ASAP1: variants seen among roughly 807,000 people sequenced by gnomAD.
ASAP1 encodes arf-GAP with SH3 domain, ANK repeat and PH domain-containing protein 1.
ASAP1 carries 43 observed loss-of-function variants against 145.2 expected under a neutral mutation model. The observed-to-expected ratio is 0.30, with a 90% confidence interval of 0.23 to 0.38. The LOEUF is 0.38. ASAP1 is among the 10% of genes least tolerant of loss of function. The pLI, the probability that ASAP1 is intolerant of heterozygous loss-of-function variation, is 1.00. For synonymous variants in ASAP1, 546 were observed against 515.5 expected (o/e 1.06, Z -0.80); for missense variants, 1,018 against 1,355.3 (o/e 0.75, Z 3.91).
At chr8:130,225,413 A>T (rs1251716334) in intron 4 of ASAP1, among the ~76,000 whole-genome samples, 1 of 152,218 alleles carries the variant, frequency 6.6e-6, no homozygotes, top group East Asian at 1.9e-4. Flanking sequence ...AGCACAGGAA[A>T]GGGTTCGTTA....
chr8:130,379,261 CTA>C (rs1827652374), intron 2 of ASAP1, among the ~76,000 whole-genome samples: 1 of 152,168 alleles, frequency 6.6e-6, no homozygotes, highest in African/African-American at 2.4e-5. Flanking sequence ...ATACCTGGCC[CTA>C]GCATCGCTTC....
chr8:130,277,428 G>C (rs1820980397), intron 3 of ASAP1, among the ~76,000 whole-genome samples: 1 of 152,140 alleles, frequency 6.6e-6, no homozygotes, highest in Non-Finnish European at 1.5e-5. Context: ...GAAAGAACCA[G>C]AAAGTTCAGT....
intron 24 of ASAP1, among the ~76,000 whole-genome samples, chr8:130,108,756 A>AGTTTTTTTTT (rs1564967538): frequency 5.0e-5 from 5 of 99,928 alleles, no homozygotes; most frequent in Admixed American, 2.4e-4. Flanking sequence ...CTCAAAAACC[A>AGTTTTTTTTT]GTTTTTTTTT....
chr8:130,067,078 C>A (rs1362590878), intron 27 of ASAP1, among the ~76,000 whole-genome samples: 2 of 152,226 alleles, frequency 1.3e-5, no homozygotes, highest in African/African-American at 4.8e-5. Flanking sequence ...AATTCTGCTG[C>A]TCATTGAAAG....
At chr8:130,151,188 T>C (rs1022727813) in intron 13 of ASAP1, among the ~76,000 whole-genome samples, 1 of 151,186 alleles carries the variant, frequency 6.6e-6, no homozygotes, top group African/African-American at 2.4e-5. Context: ...CTGGTCAATA[T>C]GATGAAACCC....
At chr8:130,261,056 G>A (rs1819866902) in intron 3 of ASAP1, among the ~76,000 whole-genome samples, 2 of 152,092 alleles carry the variant, frequency 1.3e-5, no homozygotes, top group African/African-American at 4.8e-5. Flanking sequence ...TGTGGGGAGA[G>A]GTCAATTACT....
chr8:130,380,527 C>G (rs1006805982), intron 2 of ASAP1, among the ~76,000 whole-genome samples: 1 of 152,148 alleles, frequency 6.6e-6, no homozygotes, highest in African/African-American at 2.4e-5. Flanking sequence ...CTGAGGACTC[C>G]ACCAACCGGC....
intron 3 of ASAP1, among the ~76,000 whole-genome samples, chr8:130,292,430 A>C (rs1822004402): frequency 6.6e-6 from 1 of 152,200 alleles, no homozygotes; most frequent in South Asian, 2.1e-4. Context: ...CCCAGAGGGA[A>C]GGCTTTACAA....
chr8:130,131,153 A>AAAACAAAC (rs149995760), intron 15 of ASAP1, among the ~76,000 whole-genome samples: 4,969 of 149,276 alleles, frequency 0.033, 106 homozygotes, highest in Non-Finnish European at 0.045. Flanking sequence ...CAAGACTCTG[A>AAAACAAAC]AAACAAACAA....
At chr8:130,337,493 G>GTCCTCTC (rs1825109362) in intron 3 of ASAP1, among the ~76,000 whole-genome samples, 1 of 152,120 alleles carries the variant, frequency 6.6e-6, no homozygotes, top group African/African-American at 2.4e-5. Context: ...CGCTAATTAA[G>GTCCTCTC]CATGCTAGTC....
At chr8:130,314,984 G>C (rs1166303301) in intron 3 of ASAP1, among the ~76,000 whole-genome samples, 1 of 152,142 alleles carries the variant, frequency 6.6e-6, no homozygotes, top group Non-Finnish European at 1.5e-5. Context: ...CTGAATTTCG[G>C]TTACCGATTT....
chr8:130,323,064 C>A (rs1161267531), intron 3 of ASAP1, among the ~76,000 whole-genome samples: 1 of 152,198 alleles, frequency 6.6e-6, no homozygotes, highest in Non-Finnish European at 1.5e-5. Context: ...GGAGTGAAGA[C>A]AGTGCTCCAG....
chr8:130,410,058 T>C (rs764109441), intron 1 of ASAP1, among the ~76,000 whole-genome samples: 4 of 152,238 alleles, frequency 2.6e-5, no homozygotes, highest in South Asian at 2.1e-4. Flanking sequence ...CTTAAGTGCC[T>C]ACTGCATGCT....
chr8:130,192,034 C>A (rs1815174696), intron 5 of ASAP1, among the ~76,000 whole-genome samples: 1 of 151,948 alleles, frequency 6.6e-6, no homozygotes. Flanking sequence ...TCTGGTGACA[C>A]ACATCTAAGA....
intron 27 of ASAP1, among the ~76,000 whole-genome samples, chr8:130,071,048 A>AGAGAGAGAG (rs2097445313): frequency 3.0e-4 from 18 of 59,320 alleles, no homozygotes; most frequent in Admixed American, 4.0e-4. Flanking sequence ...GAGAGAGAGA[A>AGAGAGAGAG]AGCAGAGTTT....
At chr8:130,070,149 G>T (rs552261369) in intron 27 of ASAP1, among the ~76,000 whole-genome samples, 15 of 150,590 alleles carry the variant, frequency 1.0e-4, no homozygotes, top group Non-Finnish European at 1.9e-4. Context: ...CCATTCTCCT[G>T]CCTCAGCCTC....
At chr8:130,056,005 A>G (rs1459492324) in intron 29 of ASAP1, among the ~76,000 whole-genome samples, 1 of 152,238 alleles carries the variant, frequency 6.6e-6, no homozygotes, top group Non-Finnish European at 1.5e-5. Context: ...TCCCCTAGGA[A>G]TGATGCTAGG....
chr8:130,346,192 G>A (rs939370176), intron 3 of ASAP1, among the ~76,000 whole-genome samples: 1 of 152,156 alleles, frequency 6.6e-6, no homozygotes, highest in Non-Finnish European at 1.5e-5. Flanking sequence ...AGTGAGGGGG[G>A]ATGTCCCTGA....
chr8:130,071,011 G>GAGAGAGAGAGAGAGAGAGAGA (rs1415476694), intron 27 of ASAP1, among the ~76,000 whole-genome samples: 1 of 11,436 alleles, frequency 8.7e-5, no homozygotes, highest in African/African-American at 4.5e-4. Context: ...GGGGAGGGGG[G>GAGAGAGAGAGAGAGAGAGAGA]GAGAGAGAGA....
Sources: gnomAD v4.1 joint callset for allele counts (sites outside exome capture counted in the v4.1 genomes callset) on GRCh38, gnomAD v4.1.1 for gene constraint, MANE v1.5 for transcripts, NCBI Gene and HGNC (gene_info 2026-07-23, HGNC 2026-07-21) for gene names.